C4BPA: variants seen among roughly 807,000 people sequenced by gnomAD.
The protein encoded by C4BPA is complement component 4 binding protein alpha.
In C4BPA, 31 loss-of-function variants were observed where a neutral mutation model predicts 63.7. That is an observed-to-expected ratio of 0.49 (90% CI 0.37 to 0.66). The LOEUF is 0.66. C4BPA is among the 30% of genes least tolerant of loss of function. The pLI, the probability that C4BPA is intolerant of heterozygous loss-of-function variation, is 0.00. For synonymous variants in C4BPA, 259 were observed against 254.7 expected (o/e 1.02, Z -0.16); for missense variants, 572 against 723.3 (o/e 0.79, Z 2.40).
chr1:207,124,203 C>G lies in C4BPA; in HGVS notation c.543C>G (p.Ile181Met). 2 of 1,613,916 alleles carry G rather than the reference C, an allele frequency of 1.2e-6. No individual in the cohort carries two copies. The highest frequency in any genetic ancestry group is 1.7e-6 in the Non-Finnish European group (2 of 1,179,860). ...EIVKCKPPPDIRNGRHSGEEN... is the reference protein window; with the variant it reads ...EIVKCKPPPDMRNGRHSGEEN... Reference sequence around the variant, plus strand: ...TCAAGTGTAAGCCTCCTCCAGACATCAGGAATGGAAGGCACAGCGGTGAAG... The same window carrying G: ...TCAAGTGTAAGCCTCCTCCAGACATGAGGAATGGAAGGCACAGCGGTGAAG... Residue 181 changes from isoleucine (I) to methionine (M), a missense_variant, in exon 6 of 12, where the codon ATC (isoleucine) becomes ATG (methionine). Coordinates refer to ENST00000367070, the MANE Select transcript of C4BPA (RefSeq NM_000715.4).
intron 4 of C4BPA, among the ~76,000 whole-genome samples, chr1:207,118,013 G>T (rs1425662292): frequency 1.3e-5 from 2 of 151,976 alleles, no homozygotes; most frequent in African/African-American, 4.8e-5. Flanking sequence ...CATAGATTTT[G>T]CATTTCTTGA....
chr1:207,126,703 G>A lies in C4BPA; in HGVS notation c.707-10G>A, dbSNP rs1358086931. 2.5e-6 allele frequency: 4 copies of A among 1,599,220 alleles called. No homozygotes were observed. The highest frequency in any genetic ancestry group is 1.7e-5 in the Admixed American group (1 of 58,632). ...TTAAAATCCACTTGTCTTTTCTCAT[G>A]ATTCTTTAGAAATCACCTGTCGCAA... On this transcript the variant is annotated splice_polypyrimidine_tract_variant and intron_variant, in intron 6 of 11. Coordinates refer to ENST00000367070, the MANE Select transcript of C4BPA (RefSeq NM_000715.4).
intron 7 of C4BPA, among the ~76,000 whole-genome samples, chr1:207,127,655 A>G (rs1392715340): frequency 6.6e-6 from 1 of 152,230 alleles, no homozygotes. Context: ...TCTCCTGAAG[A>G]GGTATCCACC....
chr1:207,135,893 GA>G (rs1685270955), intron 9 of C4BPA, among the ~76,000 whole-genome samples: 1 of 152,200 alleles, frequency 6.6e-6, no homozygotes, highest in Non-Finnish European at 1.5e-5. Context: ...TCTTTGCTGT[GA>G]GTGGGTTTTC....
chr1:207,121,839 C>A (rs1244095982), intron 4 of C4BPA, among the ~76,000 whole-genome samples: 1 of 151,760 alleles, frequency 6.6e-6, no homozygotes, highest in Non-Finnish European at 1.5e-5. Context: ...CTTACCCCTC[C>A]TTCACCCCTT....
Position 207,141,286 on chromosome 1 carries a change from G to A in C4BPA, c.1444+10G>A. ...GCCCCTCAATGTAAAGGTAACTCCA[G>A]CTTCCTTTTCAGCTCAAGATTAAGT... On this transcript the variant is annotated intron_variant, in intron 10 of 11. Transcript: ENST00000367070. 1 of 1,608,836 alleles carries A rather than the reference G, an allele frequency of 6.2e-7. No homozygotes were observed. Among genetic ancestry groups the A allele is most frequent in the Non-Finnish European group, 8.5e-7 (1 of 1,178,028 alleles).
In C4BPA at chr1:207,124,315, G is replaced by A. The variant is rs747930763; in HGVS notation, c.655G>A (p.Val219Met). 1 of 1,613,864 alleles carries A rather than the reference G, an allele frequency of 6.2e-7. No homozygotes were observed. Among genetic ancestry groups the A allele is most frequent in the Middle Eastern group, 1.7e-4 (1 of 6,060 alleles). Residue 219 changes from valine (V) to methionine (M), a missense_variant, in exon 6 of 12, where the codon GTG (valine) becomes ATG (methionine). This residue lies in a region of C4BPA where 465 missense variants were observed against 629.4 expected (regional missense o/e 0.74). Transcript: ENST00000367070. ...LLGHASISCT[V>M]ENETIGVWRP... ...GGGCCATGCCTCCATTTCTTGCACT[G>A]TGGAGAATGAAACAATAGGTGTTTG...
chr1:207,125,848 T>C (rs1685028067), intron 6 of C4BPA, among the ~76,000 whole-genome samples: 1 of 152,196 alleles, frequency 6.6e-6, no homozygotes, highest in African/African-American at 2.4e-5. Flanking sequence ...AGCGGTAGCA[T>C]GGCAGTGGGG....
In C4BPA at chr1:207,124,323, T is replaced by C. The variant is rs376390414; in HGVS notation, c.663T>C (p.Asn221=). The C allele has an allele frequency of 2.5e-6, 4 of 1,613,748 alleles. No homozygotes were observed. In the African/African-American group the frequency reaches 5.3e-5, roughly 22 times the overall value. Reference sequence around the variant, plus strand: ...CCTCCATTTCTTGCACTGTGGAGAATGAAACAATAGGTGTTTGGAGACCAA... The same window carrying C: ...CCTCCATTTCTTGCACTGTGGAGAACGAAACAATAGGTGTTTGGAGACCAA... ...GHASISCTVE[N]ETIGVWRPSP... is the part of the protein sequence containing the mutation. The change falls in exon 6 of 12, where the codon AAT becomes AAC. Residue 221 remains asparagine, a synonymous_variant. Coordinates refer to ENST00000367070, the MANE Select transcript of C4BPA (RefSeq NM_000715.4).
intron 9 of C4BPA, among the ~76,000 whole-genome samples, chr1:207,138,910 A>G (rs1685351382): frequency 6.6e-6 from 1 of 152,124 alleles, no homozygotes; most frequent in African/African-American, 2.4e-5. Context: ...ACCTGACTCT[A>G]TTTTTTATTG....
intron 4 of C4BPA, among the ~76,000 whole-genome samples, chr1:207,123,534 C>T (rs1423757140): frequency 1.3e-5 from 2 of 152,170 alleles, no homozygotes; most frequent in African/African-American, 4.8e-5. Flanking sequence ...GGGAATAAGA[C>T]ACCCACCTGG....
chr1:207,134,629 C>T, intron 9 of C4BPA, 37 bp downstream of exon 9: 4 of 1,446,696 alleles, frequency 2.8e-6, no homozygotes, highest in Non-Finnish European at 3.8e-6. Flanking sequence ...CTGGGAGTTT[C>T]TTCATATCAG....
rs1417505331 is a variant in C4BPA, at chr1:207,113,088, C to T, written c.63C>T (p.Pro21=). The T allele has an allele frequency of 6.2e-7, 1 of 1,610,362 alleles. No individual in the cohort carries two copies. The highest frequency in any genetic ancestry group is 1.7e-5 in the Admixed American group (1 of 59,390). Residue 21 remains proline, a synonymous_variant, in exon 2 of 12, where the codon CCC becomes CCT. Transcript: ENST00000367070. ...LHRKRKMAAW[P]FSRLWKVSDP... is the part of the protein sequence containing the mutation. ...GAAAAAGGAAAATGGCAGCCTGGCC[C>T]TTCTCCAGGCTGTGGAAAGTCTCTG...
In C4BPA at chr1:207,144,754, G is replaced by C. The variant is rs949868162; in HGVS notation, c.*37G>C. The C allele has an allele frequency of 1.3e-6, 2 of 1,505,298 alleles. No homozygotes were observed. Among genetic ancestry groups the C allele is most frequent in the Non-Finnish European group, 1.8e-6 (2 of 1,105,824 alleles). 93.2% of individuals were successfully genotyped at this position (1,505,298 alleles called of 1,614,324 possible). A position where few individuals can be genotyped will look rare whatever the true frequency, so the allele number is the denominator to read the frequency against. ...AGAAGGAGGAAAAGGTGTCTTGCTG[G>C]CTTGCCTCTTGCAATTCAATACAGA... On this transcript the variant is annotated 3_prime_UTR_variant, in exon 12 of 12. Coordinates refer to ENST00000367070, the MANE Select transcript of C4BPA (RefSeq NM_000715.4).
At chr1:207,137,467 G>A (rs1335338250) in intron 9 of C4BPA, among the ~76,000 whole-genome samples, 2 of 152,210 alleles carry the variant, frequency 1.3e-5, no homozygotes, top group African/African-American at 4.8e-5. Context: ...ACTCAAAGTG[G>A]TGTCGGGGAA....
chr1:207,130,333 T>C (rs1343821296), intron 7 of C4BPA, among the ~76,000 whole-genome samples: 2 of 152,156 alleles, frequency 1.3e-5, no homozygotes, highest in Admixed American at 1.3e-4. Flanking sequence ...AAATTAGAAC[T>C]CTCATACACT....
At position 207,124,036 on chromosome 1, in the gene C4BPA, T is replaced by C. The variant is rs773389282; in HGVS notation, c.514+29T>C. On this transcript the variant is annotated intron_variant, in intron 5 of 11. Coordinates refer to ENST00000367070, the MANE Select transcript of C4BPA (RefSeq NM_000715.4). ...AGTAAAGACTCTTCTGACTTGACTATCAATTTAAACTCTGTTAGGTAATAA... is the reference window on the plus strand; with the variant it reads ...AGTAAAGACTCTTCTGACTTGACTACCAATTTAAACTCTGTTAGGTAATAA... 9 of 1,553,538 alleles carry C rather than the reference T, an allele frequency of 5.8e-6. No homozygotes were observed. In the African/African-American group the frequency reaches 6.8e-5, roughly 12 times the overall value.
chr1:207,139,933 T>C (rs767497259), intron 9 of C4BPA, among the ~76,000 whole-genome samples: 1 of 152,228 alleles, frequency 6.6e-6, no homozygotes, highest in Non-Finnish European at 1.5e-5. Flanking sequence ...GTTGGTCCCT[T>C]GATCATCCAT....
At chr1:207,110,271 A>G (rs776848398) in intron 1 of C4BPA, among the ~76,000 whole-genome samples, 3 of 152,082 alleles carry the variant, frequency 2.0e-5, no homozygotes, top group Non-Finnish European at 4.4e-5. Flanking sequence ...GGAAAAAGAG[A>G]GAGGGTAGAT....
Sources: allele counts gnomAD v4.1 joint callset (sites outside exome capture counted in the v4.1 genomes callset), GRCh38; gene constraint gnomAD v4.1.1; regional missense constraint gnomAD v4.1.1; transcripts MANE v1.5; gene names NCBI Gene and HGNC (gene_info 2026-07-23, HGNC 2026-07-21).